The following SLC12A9 variants were observed in gnomAD, a reference collection of about 807,000 sequenced individuals.
SLC12A9 encodes the protein solute carrier family 12 member 9, also known as CCC-interacting protein 1.
Under a neutral mutation model 66.0 loss-of-function variants are expected in SLC12A9, and 55 were observed. The ratio of observed to expected loss-of-function variants is 0.83; its 90% CI spans 0.67 to 1.04. SLC12A9 has a LOEUF of 1.04. SLC12A9 is among the 50% of genes least tolerant of loss of function. SLC12A9 has a pLI of 0.00. For missense variants in SLC12A9, 1,061 were observed against 1,241.9 expected (o/e 0.85, Z 2.19); for synonymous variants, 577 against 569.0 (o/e 1.01, Z -0.20).
At chr7:100,865,280 A>AT (rs766262457) in intron 13 of SLC12A9, 1 of 1,535,560 alleles carries the variant, frequency 6.5e-7, no homozygotes, top group Non-Finnish European at 8.7e-7. Context: ...TCATCTTCCC[A>AT]TTGCAGAGTC....
At chr7:100,860,483 G>T in intron 9 of SLC12A9, 3 of 534,502 alleles carry the variant, frequency 5.6e-6, no homozygotes, top group Non-Finnish European at 1.0e-5. Context: ...CGGGCATTGT[G>T]CAGGGTTCAC....
chr7:100,855,865 G>C, intron 4 of SLC12A9, 28 bp downstream of exon 4: 1 of 1,572,248 alleles, frequency 6.4e-7, no homozygotes. Flanking sequence ...TCTGGGCAGT[G>C]CTGCGGGTTT....
At chr7:100,858,696 C>T in intron 5 of SLC12A9, 139 bp from the exon 6 acceptor site, 1 of 736,754 alleles carries the variant, frequency 1.4e-6, no homozygotes, top group Non-Finnish European at 2.3e-6. Context: ...AGGGCCAGTG[C>T]AGGAACAGGC....
chr7:100,862,392 G>A (rs989916141), intron 12 of SLC12A9, among the ~76,000 whole-genome samples: 3 of 152,170 alleles, frequency 2.0e-5, no homozygotes, highest in Admixed American at 1.3e-4. Context: ...CTGAGTAGCT[G>A]GGACTACAGG....
chr7:100,845,312 A>G (rs1223124665), intron 1 of SLC12A9, among the ~76,000 whole-genome samples: 1 of 150,202 alleles, frequency 6.7e-6, no homozygotes, highest in Non-Finnish European at 1.5e-5. Flanking sequence ...CCTGACCAGC[A>G]GACAAGTAGT....
chr7:100,849,307 C>T (rs1257857783), upstream of SLC12A9, among the ~76,000 whole-genome samples: 5 of 150,512 alleles, frequency 3.3e-5, no homozygotes, highest in South Asian at 2.2e-4. Flanking sequence ...TGCAGTGGTG[C>T]GATCACAGCT....
chr7:100,832,490 G>T (rs539959937), intron 1 of SLC12A9, among the ~76,000 whole-genome samples: 1 of 152,260 alleles, frequency 6.6e-6, no homozygotes, highest in East Asian at 1.9e-4. Flanking sequence ...TCCAACCTGG[G>T]CAACAGAGCG....
chr7:100,845,571 G>C (rs189441474), intron 1 of SLC12A9, among the ~76,000 whole-genome samples: 1 of 152,092 alleles, frequency 6.6e-6, no homozygotes, highest in East Asian at 1.9e-4. Context: ...GGATGGTCTC[G>C]ATCTCCTGCC....
chr7:100,860,987 T>G, intron 9 of SLC12A9, 151 bp from the exon 10 acceptor site: 2 of 1,383,586 alleles, frequency 1.4e-6, no homozygotes, highest in Non-Finnish European at 2.0e-6. Context: ...CATTGACACT[T>G]TGGGGGTGCA....
intron 13 of SLC12A9, among the ~76,000 whole-genome samples, chr7:100,863,552 G>A (rs1486375187): frequency 1.3e-5 from 2 of 152,242 alleles, no homozygotes; most frequent in African/African-American, 4.8e-5. Flanking sequence ...GTTTTGCGGA[G>A]AGATGGTAAT....
At chr7:100,862,972 A>G in intron 13 of SLC12A9, 145 bp downstream of exon 13, 4 of 985,384 alleles carry the variant, frequency 4.1e-6, no homozygotes. Context: ...CTCAAAGATA[A>G]TAGCCTCAGA....
chr7:100,857,311 C>G, intron 5 of SLC12A9, 135 bp downstream of exon 5: 1 of 970,428 alleles, frequency 1.0e-6, no homozygotes, highest in Non-Finnish European at 1.5e-6. Context: ...CAGAGCAGTG[C>G]AATTTAATTC....
rs34375151 is a variant in SLC12A9 at position 100,836,331 on chromosome 7, C to T, written n.228+9284C>T. 7.1e-3 allele frequency among the ~76,000 whole-genome samples: 1,085 copies of T among 152,178 alleles called. 6 individuals are homozygous for T. The highest frequency in any genetic ancestry group is 0.011 in the Non-Finnish European group (759 of 67,982). On this transcript the variant is annotated intron_variant and non_coding_transcript_variant, in intron 1 of 1. Coordinates refer to the SLC12A9 transcript ENST00000461016. ...TGTGGGGAGGAGCAGGAAGCCAGGC[C>T]GGGTGGGGCCGGCACCGAGGGTAGC...
Position 100,855,732 on chromosome 7 carries a change from G to A in SLC12A9, c.343G>A (p.Glu115Lys). ...YFMISRTLGP[E>K]VGGSIGLMFY... ...CATGATCAGCCGCACACTGGGGCCC[G>A]AGGTCGGGGGCAGCATTGGGCTCAT... is the stretch of plus-strand genomic sequence containing the variant. The change falls in exon 4 of 14, where the codon GAG (glutamate) becomes AAG (lysine). Residue 115 changes from glutamate (E) to lysine (K), a missense_variant. Physicochemically the swap from Glu to Lys is moderately conservative, Grantham distance 56. Transcript: ENST00000354161. The A allele has an allele frequency of 1.9e-6, 3 of 1,614,164 alleles. No individual in the cohort carries two copies. Among genetic ancestry groups the A allele is most frequent in the Non-Finnish European group, 2.5e-6 (3 of 1,180,000 alleles).
At chr7:100,833,284 G>C (rs915447071) in intron 1 of SLC12A9, among the ~76,000 whole-genome samples, 1 of 151,126 alleles carries the variant, frequency 6.6e-6, no homozygotes, top group African/African-American at 2.4e-5. Context: ...GGGAGTTCAA[G>C]ACCTGCCTGG....
intron 1 of SLC12A9, among the ~76,000 whole-genome samples, chr7:100,829,074 G>A (rs577002788): frequency 1.6e-4 from 24 of 150,984 alleles, no homozygotes; most frequent in Non-Finnish European, 3.4e-4. Flanking sequence ...TGCAACCTCC[G>A]CCTCCCAGGT....
chr7:100,865,528 A>C lies in SLC12A9; in HGVS notation c.1859-191A>C, dbSNP rs1562998085. ...GTCACTGAGATAATAAAATAAATGC[A>C]TGTGAAAGTGTTTAGGAAAAATGAA... On this transcript the variant is annotated intron_variant, in intron 13 of 13. Transcript: ENST00000354161. The C allele has an allele frequency of 2.6e-6, 4 of 1,553,496 alleles. No individual in the cohort carries two copies. In the South Asian group the frequency reaches 4.6e-5, roughly 18 times the overall value.
At chr7:100,835,639 G>A (rs1813639671) in intron 1 of SLC12A9, among the ~76,000 whole-genome samples, 1 of 151,466 alleles carries the variant, frequency 6.6e-6, no homozygotes, top group Non-Finnish European at 1.5e-5. Flanking sequence ...GACAGAGCAA[G>A]ACTCCGTCTC....
At chr7:100,841,023 A>G (rs1813777962) in intron 1 of SLC12A9, among the ~76,000 whole-genome samples, 1 of 152,002 alleles carries the variant, frequency 6.6e-6, no homozygotes, top group Non-Finnish European at 1.5e-5. Context: ...AAACTTTTAG[A>G]GGAAACCTCA....
Sources: gnomAD v4.1 joint callset for allele counts (sites outside exome capture counted in the v4.1 genomes callset) on GRCh38, gnomAD v4.1.1 for gene constraint, MANE v1.5 for transcripts, NCBI Gene and HGNC (gene_info 2026-07-23, HGNC 2026-07-21) for gene names.